Variants in STT3B observed in about 807,000 individuals in gnomAD.
STT3B encodes STT3 oligosaccharyltransferase complex catalytic subunit B.
In STT3B, 29 loss-of-function variants were observed where a neutral mutation model predicts 96.8. The ratio of observed to expected loss-of-function variants is 0.30; its 90% CI spans 0.22 to 0.41. The LOEUF is 0.41. STT3B is among the 10% of genes least tolerant of loss of function. STT3B has a pLI of 1.00. For missense variants in STT3B, 640 were observed against 1,022.3 expected (o/e 0.63, Z 5.10); for synonymous variants, 367 against 360.0 (o/e 1.02, Z -0.22).
chr3:31,543,138 T>G (rs1039655189), intron 1 of STT3B, among the ~76,000 whole-genome samples: 2 of 151,752 alleles, frequency 1.3e-5, no homozygotes, highest in Non-Finnish European at 2.9e-5. Flanking sequence ...ATTGATCATC[T>G]GTGTCTTACG....
In STT3B at chr3:31,564,041, A is replaced by G. The variant is rs1028346974; in HGVS notation, c.315-12355A>G. Reference sequence around the variant, plus strand: ...GGCCAGAACATGAACCGGGACCCAAACAGCATTGAATATCAAGTATACGGG... The same window carrying G: ...GGCCAGAACATGAACCGGGACCCAAGCAGCATTGAATATCAAGTATACGGG... On this transcript the variant is annotated intron_variant, in intron 1 of 15. Transcript: ENST00000295770. Among the ~76,000 whole-genome samples the G allele has an allele frequency of 2.6e-5, 4 of 152,308 alleles. 1 individual carries two copies. The highest frequency in any genetic ancestry group is 1.9e-4 in the East Asian group (1 of 5,194).
chr3:31,584,532 GT>G (rs1698493114), intron 3 of STT3B, among the ~76,000 whole-genome samples: 1 of 151,888 alleles, frequency 6.6e-6, no homozygotes, highest in Non-Finnish European at 1.5e-5. Context: ...AGCAGGTGCT[GT>G]TTTATGTGTT....
At chr3:31,630,505 T>C (rs190933276) in intron 14 of STT3B, among the ~76,000 whole-genome samples, 238 of 152,356 alleles carry the variant, frequency 1.6e-3, no homozygotes, top group Non-Finnish European at 2.4e-3. Flanking sequence ...TTCCTTTTCA[T>C]TGAGGTTTCT....
At position 31,636,184 on chromosome 3, in the gene STT3B, G is replaced by A; in HGVS notation, c.*120G>A. Reference sequence around the variant, plus strand: ...AGAACCATCACTGGTCCAGGTTAATGTACAAAATTTTCTGGCAATGCCTGA... The same window carrying A: ...AGAACCATCACTGGTCCAGGTTAATATACAAAATTTTCTGGCAATGCCTGA... On this transcript the variant is annotated 3_prime_UTR_variant, in exon 16 of 16. Coordinates refer to ENST00000295770, the MANE Select transcript of STT3B (RefSeq NM_178862.3). The A allele has an allele frequency of 1.4e-6, 1 of 703,272 alleles. No individual in the cohort carries two copies. The highest frequency in any genetic ancestry group is 2.6e-4 in the Middle Eastern group (1 of 3,872). The allele number at this position is 703,272 out of a possible 1,614,324, so 43.6% of individuals were successfully genotyped here. A position where few individuals can be genotyped will look rare whatever the true frequency, so the allele number is the denominator to read the frequency against.
intron 13 of STT3B, among the ~76,000 whole-genome samples, chr3:31,626,987 C>G (rs1322510893): frequency 4.6e-5 from 7 of 152,178 alleles, no homozygotes; most frequent in Non-Finnish European, 1.0e-4. Context: ...ACTCACCTGA[C>G]ACGTGTGTTT....
intron 13 of STT3B, among the ~76,000 whole-genome samples, chr3:31,629,066 A>C (rs541490145): frequency 6.6e-6 from 1 of 152,178 alleles, no homozygotes; most frequent in African/African-American, 2.4e-5. Flanking sequence ...CAGTCACGCC[A>C]CTGCACTCCA....
At chr3:31,583,324 C>A (rs560616369) in intron 3 of STT3B, among the ~76,000 whole-genome samples, 4 of 151,368 alleles carry the variant, frequency 2.6e-5, no homozygotes, top group Non-Finnish European at 5.9e-5. Context: ...AAAAAAAATT[C>A]AAAGTCTGTT....
chr3:31,561,541 C>A (rs1350932681), intron 1 of STT3B, among the ~76,000 whole-genome samples: 1 of 152,004 alleles, frequency 6.6e-6, no homozygotes, highest in Admixed American at 6.6e-5. Context: ...TTTGTGTGTG[C>A]CCATTTAACC....
intron 4 of STT3B, among the ~76,000 whole-genome samples, chr3:31,597,239 A>G (rs1022224813): frequency 6.6e-5 from 10 of 152,096 alleles, no homozygotes; most frequent in Non-Finnish European, 1.3e-4. Context: ...AGCTCACTGC[A>G]GCTTCTGCCT....
In STT3B at chr3:31,619,826, A is replaced by ATTTG. The variant is rs1250783918; in HGVS notation, c.1324_1327dup (p.Ala444CysfsTer39). The ATTTG allele has an allele frequency of 6.2e-7, 1 of 1,609,022 alleles. No homozygotes were observed. The highest frequency in any genetic ancestry group is 8.5e-7 in the Non-Finnish European group (1 of 1,178,800). Reference sequence around the variant, plus strand: ...TCAAAAATATCAACGATGAAAGAGTATTTGGTAAGAGAGGTTTTTAATGAA... The same window carrying ATTTG: ...TCAAAAATATCAACGATGAAAGAGTATTTGTTTGGTAAGAGAGGTTTTTAATGAA... On this transcript the variant is annotated frameshift_variant, in exon 9 of 16. Coordinates refer to ENST00000295770, the MANE Select transcript of STT3B (RefSeq NM_178862.3). LOFTEE classifies it high-confidence loss of function.
At chr3:31,627,616 C>T (rs1052579035) in intron 13 of STT3B, among the ~76,000 whole-genome samples, 4 of 152,146 alleles carry the variant, frequency 2.6e-5, no homozygotes, top group East Asian at 1.9e-4. Context: ...ATGCAGGTGT[C>T]GTGTGATGCA....
intron 1 of STT3B, among the ~76,000 whole-genome samples, chr3:31,541,841 G>C (rs1420043666): frequency 6.6e-6 from 1 of 152,302 alleles, no homozygotes. Flanking sequence ...CTCCCAAAGT[G>C]CTGGGATTAC....
rs1697558412 is a variant in STT3B, at chr3:31,551,476, C to CA, written c.314+18165dup. 2.6e-5 allele frequency among the ~76,000 whole-genome samples: 4 copies of CA among 152,298 alleles called. No homozygotes were observed. In the South Asian group the frequency reaches 6.2e-4, roughly 24 times the overall value. ...AAGTGATCCACCCACCTTGGCCTCT[C>CA]AGAGTGCTGGGATTACCTGCATGAG... On this transcript the variant is annotated intron_variant, in intron 1 of 15. Transcript: ENST00000295770.
intron 3 of STT3B, 32 bp downstream of exon 3, chr3:31,580,128 T>C (rs775567155): frequency 1.8e-5 from 28 of 1,594,302 alleles, no homozygotes; most frequent in East Asian, 4.5e-5. Context: ...GCTGCCATTA[T>C]TACTCGTGAC....
intron 1 of STT3B, among the ~76,000 whole-genome samples, chr3:31,558,282 TTTC>T (rs1697772681): frequency 1.3e-5 from 2 of 152,324 alleles, no homozygotes; most frequent in African/African-American, 4.8e-5. Flanking sequence ...GCTTTCAACT[TTTC>T]TTAATTCAGC....
chr3:31,571,825 A>G (rs1291175441), intron 1 of STT3B, among the ~76,000 whole-genome samples: 1 of 151,474 alleles, frequency 6.6e-6, no homozygotes, highest in South Asian at 2.1e-4. Context: ...GCATGAATGA[A>G]AATAATCAGA....
intron 1 of STT3B, among the ~76,000 whole-genome samples, chr3:31,559,147 GTGTGT>G (rs751457455): frequency 9.0e-5 from 2 of 22,346 alleles, no homozygotes; most frequent in Admixed American, 1.8e-4. Flanking sequence ...GATTCTTGGG[GTGTGT>G]GTGTGTGTGT....
At chr3:31,550,294 T>C (rs990322269) in intron 1 of STT3B, among the ~76,000 whole-genome samples, 1 of 152,234 alleles carries the variant, frequency 6.6e-6, no homozygotes, top group Admixed American at 6.5e-5. Context: ...GCAGAGTAGC[T>C]CTAAGGAGTC....
intron 3 of STT3B, among the ~76,000 whole-genome samples, chr3:31,593,674 T>C (rs975870351): frequency 6.6e-6 from 1 of 152,196 alleles, no homozygotes; most frequent in African/African-American, 2.4e-5. Flanking sequence ...AGTGAATTTT[T>C]TATTCCATTT....
Sources: allele counts gnomAD v4.1 joint callset (sites outside exome capture counted in the v4.1 genomes callset), GRCh38; gene constraint gnomAD v4.1.1; transcripts MANE v1.5; gene names NCBI Gene and HGNC (gene_info 2026-07-23, HGNC 2026-07-21).